STX7: variants seen among roughly 807,000 people sequenced by gnomAD.
STX7 encodes syntaxin-7.
In STX7, 34 loss-of-function variants were observed where a neutral mutation model predicts 39.6. That is an observed-to-expected ratio of 0.86 (90% CI 0.65 to 1.14). The LOEUF (loss-of-function observed/expected upper bound fraction) is 1.14, where lower values mean the gene tolerates loss of function less well. STX7 is among the 50% of genes most tolerant of loss of function. The pLI is 0.00. For missense variants in STX7, 284 were observed against 310.4 expected (o/e 0.92, Z 0.64); for synonymous variants, 119 against 99.1 (o/e 1.20, Z -1.19).
intron 2 of STX7, among the ~76,000 whole-genome samples, chr6:132,497,385 G>C (rs1775443270): frequency 6.6e-6 from 1 of 152,108 alleles, no homozygotes. Flanking sequence ...AACAAAGTCA[G>C]GACACTGGTT....
At chr6:132,488,821 G>A (rs971087862) in intron 2 of STX7, among the ~76,000 whole-genome samples, 11 of 152,000 alleles carry the variant, frequency 7.2e-5, no homozygotes, top group African/African-American at 2.4e-4. Flanking sequence ...TCTAAATATT[G>A]AAAGAAACAA....
chr6:132,475,972 A>T (rs1774864340), intron 2 of STX7, among the ~76,000 whole-genome samples: 1 of 152,212 alleles, frequency 6.6e-6, no homozygotes, highest in African/African-American at 2.4e-5. Context: ...ACAGACTTTA[A>T]CACTACTAGC....
At chr6:132,481,233 A>T (rs1775008740) in intron 2 of STX7, among the ~76,000 whole-genome samples, 1 of 152,152 alleles carries the variant, frequency 6.6e-6, no homozygotes, top group Non-Finnish European at 1.5e-5. Context: ...AGTGAAATTT[A>T]TTTTGGGCCA....
intron 2 of STX7, among the ~76,000 whole-genome samples, chr6:132,485,831 T>C (rs981000263): frequency 3.3e-5 from 5 of 152,246 alleles, no homozygotes; most frequent in African/African-American, 1.2e-4. Flanking sequence ...CAAATAACAA[T>C]ATTGTCTTCT....
rs889147056 is a variant in STX7, at chr6:132,459,741, C to T, written c.*1017G>A. On this transcript the variant is annotated 3_prime_UTR_variant, in exon 10 of 10. Transcript: ENST00000367941. ...TGATTTAAAAAGGGAAGTGAGATAA[C>T]TGGCAAACCTCCAATTGCTTTTTTA... 2 of 152,174 alleles carry T rather than the reference C, an allele frequency of 1.3e-5. No homozygotes were observed. Among genetic ancestry groups the T allele is most frequent in the African/African-American group, 4.8e-5 (2 of 41,452 alleles). 9.4% of individuals were successfully genotyped at this position (152,174 alleles called of 1,614,324 possible).
At chr6:132,468,791 C>G (rs960447363) in intron 7 of STX7, among the ~76,000 whole-genome samples, 1 of 152,178 alleles carries the variant, frequency 6.6e-6, no homozygotes, top group Admixed American at 6.5e-5. Context: ...TCATTTTATA[C>G]AACCTGATAG....
At chr6:132,480,635 G>A (rs1774993719) in intron 2 of STX7, among the ~76,000 whole-genome samples, 1 of 152,130 alleles carries the variant, frequency 6.6e-6, no homozygotes, top group Admixed American at 6.5e-5. Context: ...ATGAACTGGA[G>A]GGGGCCTGAT....
intron 2 of STX7, among the ~76,000 whole-genome samples, chr6:132,499,638 T>C (rs1027709502): frequency 4.6e-5 from 7 of 152,218 alleles, no homozygotes; most frequent in African/African-American, 1.7e-4. Flanking sequence ...GATTTTTATC[T>C]TACCTCACAG....
intron 2 of STX7, among the ~76,000 whole-genome samples, chr6:132,502,856 A>G (rs1582682947): frequency 1.3e-5 from 2 of 152,146 alleles, no homozygotes; most frequent in Admixed American, 1.3e-4. Flanking sequence ...CCAAGATCGT[A>G]CCACTGCACT....
chr6:132,486,273 C>T (rs1242358926), intron 2 of STX7, among the ~76,000 whole-genome samples: 2 of 152,138 alleles, frequency 1.3e-5, no homozygotes, highest in Non-Finnish European at 2.9e-5. Context: ...GCAAGACATC[C>T]CTGTCTTGTT....
At chr6:132,476,768 C>A (rs17192117) in intron 2 of STX7, among the ~76,000 whole-genome samples, 3 of 151,904 alleles carry the variant, frequency 2.0e-5, no homozygotes, top group East Asian at 1.9e-4. Flanking sequence ...ACTCACAATC[C>A]GGAAGTCTAT....
At chr6:132,467,277 G>A (rs533389446) in intron 8 of STX7, among the ~76,000 whole-genome samples, 2 of 152,046 alleles carry the variant, frequency 1.3e-5, no homozygotes, top group Admixed American at 1.3e-4. Context: ...CTTTGTACTC[G>A]CTGTTCTCTC....
Position 132,460,664 on chromosome 6 carries a change from A to G in STX7, c.*94T>C. 1 of 1,029,358 alleles carries G rather than the reference A, an allele frequency of 9.7e-7. No individual in the cohort carries two copies. The highest frequency in any genetic ancestry group is 1.6e-5 in the South Asian group (1 of 61,474). The allele number at this position is 1,029,358 out of a possible 1,614,324, so 63.8% of individuals were successfully genotyped here. ...AAAGTATGGGAACCATCCTTTATACAATAGCTTTAAAATAATAATTAAAAA... is the reference window on the plus strand; with the variant it reads ...AAAGTATGGGAACCATCCTTTATACGATAGCTTTAAAATAATAATTAAAAA... On this transcript the variant is annotated 3_prime_UTR_variant, in exon 10 of 10. Transcript: ENST00000367941.
In STX7 at chr6:132,475,635, T is replaced by A. The variant is rs1453899868; in HGVS notation, c.113A>T (p.Gln38Leu). ...AGGTGAATCTTGAGGTGTTCCAAGT[T>A]GATTCAGAGTTCTTTGTATTTCCAC... ...CSVEIQRTLNQLGTPQDSPEL... is the reference protein window; with the variant it reads ...CSVEIQRTLNLLGTPQDSPEL... The change falls in exon 3 of 10, where the codon CAA (glutamine) becomes CTA (leucine). Residue 38 changes from glutamine (Q) to leucine (L), a missense_variant. Transcript: ENST00000367941. The A allele has an allele frequency of 6.2e-7, 1 of 1,609,514 alleles. No individual in the cohort carries two copies. The highest frequency in any genetic ancestry group is 2.2e-5 in the East Asian group (1 of 44,668).
At chr6:132,478,630 A>C (rs1774935289) in intron 2 of STX7, among the ~76,000 whole-genome samples, 1 of 152,224 alleles carries the variant, frequency 6.6e-6, no homozygotes, top group Non-Finnish European at 1.5e-5. Context: ...TAACCGGCCT[A>C]TCTGGAGAAT....
At chr6:132,466,065 T>C (rs1463774650) in intron 8 of STX7, among the ~76,000 whole-genome samples, 1 of 152,156 alleles carries the variant, frequency 6.6e-6, no homozygotes, top group East Asian at 1.9e-4. Flanking sequence ...CTTGAAAGAG[T>C]TATCTATACT....
At chr6:132,508,475 A>C (rs758124013) in intron 1 of STX7, among the ~76,000 whole-genome samples, 1 of 152,126 alleles carries the variant, frequency 6.6e-6, no homozygotes. Flanking sequence ...AAGAGGTGCT[A>C]CTTAGATTGA....
chr6:132,484,502 C>A (rs1234654733), intron 2 of STX7, among the ~76,000 whole-genome samples: 1 of 152,154 alleles, frequency 6.6e-6, no homozygotes, highest in East Asian at 1.9e-4. Context: ...TGAGACTGGC[C>A]AGGCTGTGGC....
At chr6:132,463,120 A>G (rs1411865322) in intron 9 of STX7, among the ~76,000 whole-genome samples, 1 of 152,004 alleles carries the variant, frequency 6.6e-6, no homozygotes, top group Non-Finnish European at 1.5e-5. Context: ...GAGGCAAGAG[A>G]ATGTCTTCAG....
Sources: allele counts gnomAD v4.1 joint callset (sites outside exome capture counted in the v4.1 genomes callset), GRCh38; gene constraint gnomAD v4.1.1; transcripts MANE v1.5; gene names NCBI Gene and HGNC (gene_info 2026-07-23, HGNC 2026-07-21).